The following DNMT3A variants were observed in gnomAD, a reference collection of about 807,000 sequenced individuals.
DNMT3A encodes the protein DNA methyltransferase 3 alpha.
In DNMT3A, 267 loss-of-function variants were observed where a neutral mutation model predicts 117.6. The observed-to-expected ratio is 2.27, with a 90% CI of 2.05 to 2.51. The LOEUF (loss-of-function observed/expected upper bound fraction) is 2.51, where lower values mean the gene tolerates loss of function less well. Ranked by LOEUF, DNMT3A falls within the 30% of genes most tolerant of loss-of-function variation. The pLI is 0.00. For missense variants in DNMT3A, 1,029 were observed against 1,260.2 expected, an observed-to-expected ratio of 0.82 and a Z score of 2.78; for synonymous variants, 432 against 474.8, an observed-to-expected ratio of 0.91 and a Z score of 1.17.
At chr2:25,275,254 G>C (rs1408050367) in intron 5 of DNMT3A, among the ~76,000 whole-genome samples, 167 bp from the exon 6 acceptor site, 1 of 152,238 alleles carries the variant, frequency 6.6e-6, no homozygotes, top group African/African-American at 2.4e-5. Context: ...GGCATGTGTG[G>C]CGGGGGTGGG....
intron 6 of DNMT3A, among the ~76,000 whole-genome samples, chr2:25,259,560 A>C (rs1478224343): frequency 6.6e-6 from 1 of 152,216 alleles, no homozygotes; most frequent in Non-Finnish European, 1.5e-5. Flanking sequence ...CACATTTGAG[A>C]GGTGAGGGAC....
In DNMT3A at chr2:25,296,096, C is replaced by G. The variant is rs368342383; in HGVS notation, c.177+4043G>C. Among the ~76,000 whole-genome samples, 32 of 152,362 alleles carry G rather than the reference C, an allele frequency of 2.1e-4. 1 individual carries two copies. The highest frequency in any genetic ancestry group is 6.7e-4 in the African/African-American group (28 of 41,582). On this transcript the variant is annotated intron_variant, in intron 3 of 22. Coordinates refer to ENST00000321117, the MANE Select transcript of DNMT3A (RefSeq NM_022552.5). This position sits in a 1 kb window ranked among gnomAD's most constrained non-coding sequence, Gnocchi z 4.2. ...AGCTTCTGAATAGTTATACTCAGTT[C>G]TGTACCGACAGGTGACAACAAATGC...
chr2:25,245,111 T>C (rs1272912494), intron 13 of DNMT3A, 142 bp downstream of exon 13: 14 of 729,666 alleles, frequency 1.9e-5, no homozygotes, highest in Non-Finnish European at 3.0e-5. Flanking sequence ...ATCAGGACTC[T>C]GCTTCCAGAG....
Position 25,233,790 on chromosome 2 carries a change from A to C in DNMT3A, c.*489T>G, listed in dbSNP as rs1285921058. The stretch of plus-strand genomic sequence containing the variant: ...AAAAAAAAAAACCCAAAAAAAAAAA[A>C]CAAAAAACAAAAAAAAAAACAACCC... On this transcript the variant is annotated 3_prime_UTR_variant, in exon 23 of 23. Transcript: ENST00000321117. 13 of 205,668 alleles carry C rather than the reference A, an allele frequency of 6.3e-5. No homozygotes were observed. Among genetic ancestry groups the C allele is most frequent in the African/African-American group, 1.5e-4 (6 of 41,324 alleles). 12.7% of individuals were successfully genotyped at this position (205,668 alleles called of 1,614,324 possible).
At chr2:25,289,396 G>A (rs1036180141) in intron 3 of DNMT3A, among the ~76,000 whole-genome samples, 5 of 152,152 alleles carry the variant, frequency 3.3e-5, no homozygotes, top group East Asian at 1.9e-4. Flanking sequence ...CACCGCACCC[G>A]GCCAATCTTA....
chr2:25,245,319 G>A lies in DNMT3A; in HGVS notation c.1488C>T (p.Ser496=), dbSNP rs2149295353. 1.9e-6 allele frequency: 3 copies of A among 1,613,940 alleles called. No individual in the cohort carries two copies. Among genetic ancestry groups the A allele is most frequent in the East Asian group, 4.5e-5 (2 of 44,882 alleles). ...KCRNIEDICI[S]CGSLNVTLEH... Reference sequence around the variant, plus strand: ...CCAGGGTAACATTGAGGCTCCCACAGGAGATGCAGATGTCTGGAAAGCAGA... The same window carrying A: ...CCAGGGTAACATTGAGGCTCCCACAAGAGATGCAGATGTCTGGAAAGCAGA... Residue 496 remains serine, a synonymous_variant, in exon 13 of 23, where the codon TCC becomes TCT. Coordinates refer to ENST00000321117, the MANE Select transcript of DNMT3A (RefSeq NM_022552.5).
At position 25,229,752 on chromosome 2, in the gene DNMT3A, G is replaced by C. The variant is rs1033949034; in HGVS notation, c.*4527C>G. 6.6e-6 allele frequency: 1 copy of C among 152,236 alleles called. No individual in the cohort carries two copies. The highest frequency in any genetic ancestry group is 1.5e-5 in the Non-Finnish European group (1 of 68,034). The allele number at this position is 152,236 out of a possible 1,614,324, so 9.4% of individuals were successfully genotyped here. ...CTGCAACTCCGCACCAAGCAGAGTA[G>C]CAACAGGAATTCAAAACTGCCTCCC... On this transcript the variant is annotated 3_prime_UTR_variant, in exon 23 of 23. Transcript: ENST00000321117.
chr2:25,287,839 C>CTT (rs112621064), intron 3 of DNMT3A, among the ~76,000 whole-genome samples: 1 of 145,410 alleles, frequency 6.9e-6, no homozygotes, highest in South Asian at 2.2e-4. Context: ...CAAAGGAACA[C>CTT]TTTTTTTTTT....
At chr2:25,279,985 C>T (rs948751949) in intron 4 of DNMT3A, among the ~76,000 whole-genome samples, 10 of 152,128 alleles carry the variant, frequency 6.6e-5, no homozygotes, top group Admixed American at 2.0e-4. Flanking sequence ...GCCACTGTGC[C>T]CAGCCTCAAG....
chr2:25,336,566 T>C (rs1347027678), intron 1 of DNMT3A, among the ~76,000 whole-genome samples: 1 of 152,096 alleles, frequency 6.6e-6, no homozygotes, highest in African/African-American at 2.4e-5. Context: ...CTCTGGTCTA[T>C]GGAATAGAAA....
intron 1 of DNMT3A, among the ~76,000 whole-genome samples, chr2:25,335,621 A>T (rs1389738268): frequency 6.6e-6 from 1 of 152,182 alleles, no homozygotes; most frequent in Non-Finnish European, 1.5e-5. Context: ...ATCTGCACTG[A>T]GCCCCCCTCC....
chr2:25,234,046 T>C lies in DNMT3A; in HGVS notation c.*233A>G. On this transcript the variant is annotated 3_prime_UTR_variant, in exon 23 of 23. Transcript: ENST00000321117. This position sits in a 1 kb window ranked among gnomAD's most constrained non-coding sequence, Gnocchi z 4.5. ...GAAGGGAAGGGAGCTTGGTTTTGTT[T>C]TTAAATAGGACTGAAGAATAACATT... 2.1e-6 allele frequency: 1 copy of C among 482,428 alleles called. No individual in the cohort carries two copies. Among genetic ancestry groups the C allele is most frequent in the Non-Finnish European group, 3.2e-6 (1 of 309,034 alleles). 29.9% of individuals were successfully genotyped at this position (482,428 alleles called of 1,614,324 possible).
At position 25,240,855 on chromosome 2, in the gene DNMT3A, CT is replaced by C. The variant is rs1291989787; in HGVS notation, c.2083-126del. 3 of 869,404 alleles carry C rather than the reference CT, an allele frequency of 3.5e-6. No homozygotes were observed. In the African/African-American group the frequency reaches 5.0e-5, roughly 15 times the overall value. 53.9% of individuals were successfully genotyped at this position (869,404 alleles called of 1,614,324 possible). On this transcript the variant is annotated intron_variant, in intron 17 of 22. Coordinates refer to ENST00000321117, the MANE Select transcript of DNMT3A (RefSeq NM_022552.5). ...ACACGAAAGAGAGGAGACCCAGCTG[CT>C]CTGCAGGCTCACGACCCTAGCTGCA...
In DNMT3A at chr2:25,241,669, G is replaced by A. The variant is rs755982635; in HGVS notation, c.1975C>T (p.Arg659Cys). ...VLKDLGIQVD[R>C]YIASEVCEDS... is the part of the protein sequence containing the mutation. ...TCACACACCTCCGAGGCAATGTAGC[G>A]GTCCACCTGAATGCCCAAGTCCTTC... The change falls in exon 17 of 23, where the codon CGC becomes TGC. Residue 659 changes from arginine (R) to cysteine (C), a missense_variant. Physicochemically the swap from Arg to Cys is radical, Grantham distance 180. Coordinates refer to ENST00000321117, the MANE Select transcript of DNMT3A (RefSeq NM_022552.5). The A allele has an allele frequency of 1.2e-6, 2 of 1,613,856 alleles. No homozygotes were observed. Among genetic ancestry groups the A allele is most frequent in the African/African-American group, 1.3e-5 (1 of 74,894 alleles).
In DNMT3A at chr2:25,296,779, G is replaced by A. The variant is rs527882199; in HGVS notation, c.177+3360C>T. Among the ~76,000 whole-genome samples the A allele has an allele frequency of 1.7e-3, 265 of 152,358 alleles. 1 individual carries two copies. Among genetic ancestry groups the A allele is most frequent in the Middle Eastern group, 0.017 (5 of 294 alleles). ...TTGAAGGCCAAGACAGACAGTCCTT[G>A]GGGGCAAAAGGAGGAGAGAGCCCAG... On this transcript the variant is annotated intron_variant, in intron 3 of 22. Coordinates refer to ENST00000321117, the MANE Select transcript of DNMT3A (RefSeq NM_022552.5). The surrounding 1 kb of genome is among the most constrained non-coding windows in gnomAD (Gnocchi z 4.2).
chr2:25,328,413 C>A (rs2034869536), intron 1 of DNMT3A, among the ~76,000 whole-genome samples: 1 of 151,962 alleles, frequency 6.6e-6, no homozygotes, highest in African/African-American at 2.4e-5. Flanking sequence ...AGGGCCCACT[C>A]AGCTCCTCTC....
chr2:25,335,476 C>T (rs2035176709), intron 1 of DNMT3A, among the ~76,000 whole-genome samples: 2 of 152,206 alleles, frequency 1.3e-5, no homozygotes, highest in African/African-American at 2.4e-5. Flanking sequence ...AAGTATTCCC[C>T]AGGACACAGC....
chr2:25,270,751 G>A (rs1302222937), intron 6 of DNMT3A, among the ~76,000 whole-genome samples: 1 of 152,316 alleles, frequency 6.6e-6, no homozygotes, highest in East Asian at 1.9e-4. Context: ...AACCTGCAGC[G>A]GCCTTGGGAA....
chr2:25,245,311 C>T lies in DNMT3A; in HGVS notation c.1496G>A (p.Ser499Asn), dbSNP rs1350240829. 6.2e-7 allele frequency: 1 copy of T among 1,613,948 alleles called. No homozygotes were observed. Among genetic ancestry groups the T allele is most frequent in the Non-Finnish European group, 8.5e-7 (1 of 1,179,988 alleles). ...NIEDICISCG[S>N]LNVTLEHPLF... ...GGGGTGTTCCAGGGTAACATTGAGG[C>T]TCCCACAGGAGATGCAGATGTCTGG... The change falls in exon 13 of 23, where the codon AGC becomes AAC. Residue 499 changes from serine (S) to asparagine (N), a missense_variant. Coordinates refer to ENST00000321117, the MANE Select transcript of DNMT3A (RefSeq NM_022552.5).
Sources: allele counts gnomAD v4.1 joint callset (sites outside exome capture counted in the v4.1 genomes callset), GRCh38; gene constraint gnomAD v4.1.1; non-coding constraint Gnocchi (gnomAD v3.1); transcripts MANE v1.5; gene names NCBI Gene and HGNC (gene_info 2026-07-23, HGNC 2026-07-21).